Variants in STRA6 observed in about 807,000 individuals in gnomAD.
STRA6 encodes the protein signaling receptor and transporter of retinol STRA6, also known as receptor for retinol uptake STRA6.
Under a neutral mutation model 83.6 loss-of-function variants are expected in STRA6, and 48 were observed. The observed-to-expected ratio is 0.57, with a 90% confidence interval of 0.46 to 0.73. STRA6 has a LOEUF of 0.73. STRA6 is among the 30% of genes least tolerant of loss of function. STRA6 has a pLI of 0.00. For missense variants in STRA6, 760 were observed against 838.8 expected, an observed-to-expected ratio of 0.91 and a Z score of 1.16; for synonymous variants, 353 against 362.3, an observed-to-expected ratio of 0.97 and a Z score of 0.29.
At chr15:74,206,117 A>G (rs548167542), upstream of STRA6, among the ~76,000 whole-genome samples, 1 of 152,256 alleles carries the variant, frequency 6.6e-6, no homozygotes, top group East Asian at 1.9e-4. Flanking sequence ...CTCTCCCCAC[A>G]AGGCCCCCGT....
intron 1 of STRA6, among the ~76,000 whole-genome samples, chr15:74,208,208 C>A (rs1183589973): frequency 1.3e-5 from 2 of 152,114 alleles, no homozygotes; most frequent in Admixed American, 1.3e-4. Flanking sequence ...CAGCTCAGAA[C>A]AAAGGTAGCC....
At chr15:74,189,527 G>A (rs546532512) in intron 11 of STRA6, among the ~76,000 whole-genome samples, 3 of 152,290 alleles carry the variant, frequency 2.0e-5, no homozygotes, top group South Asian at 2.1e-4. Context: ...TCAGCCCTGC[G>A]TATCTGTGGG....
intron 5 of STRA6, 97 bp from the exon 6 acceptor site, chr15:74,195,772 A>C: frequency 1.1e-6 from 1 of 873,298 alleles, no homozygotes. Flanking sequence ...ACTCAATTTA[A>C]GATACTACTT....
At chr15:74,186,807 CAA>C (rs2073273506) in intron 12 of STRA6, among the ~76,000 whole-genome samples, 1 of 152,150 alleles carries the variant, frequency 6.6e-6, no homozygotes, top group African/African-American at 2.4e-5. Context: ...GCTGTTCACT[CAA>C]AGAGGCTGGG....
chr15:74,194,568 C>G (rs764612568), intron 7 of STRA6: 2 of 457,782 alleles, frequency 4.4e-6, no homozygotes, highest in Non-Finnish European at 6.8e-6. Context: ...GGCACTGTTT[C>G]CCCAAGGCAC....
chr15:74,211,424 G>A (rs1256274639), upstream of STRA6, among the ~76,000 whole-genome samples: 2 of 134,526 alleles, frequency 1.5e-5, no homozygotes, highest in South Asian at 4.9e-4. Context: ...TTTTGAGATG[G>A]AGTTTGGCTC....
At chr15:74,195,627 A>T (rs2073777546) in intron 6 of STRA6, 25 bp downstream of exon 6, 3 of 1,539,838 alleles carry the variant, frequency 1.9e-6, no homozygotes, top group Non-Finnish European at 2.6e-6. Flanking sequence ...GACTAGTCTC[A>T]ACTCTGTGAT....
chr15:74,207,074 G>T (rs1376620371), upstream of STRA6, among the ~76,000 whole-genome samples: 1 of 152,250 alleles, frequency 6.6e-6, no homozygotes, highest in Non-Finnish European at 1.5e-5. Flanking sequence ...AAGGCCTTGG[G>T]ACAGGGCTTC....
At chr15:74,194,739 A>C in intron 7 of STRA6, 1 of 1,240,178 alleles carries the variant, frequency 8.1e-7, no homozygotes. Context: ...TGTTGAATGA[A>C]TGGGTGAGTG....
chr15:74,190,602 A>G (rs1048714746), intron 11 of STRA6, among the ~76,000 whole-genome samples: 1 of 152,192 alleles, frequency 6.6e-6, no homozygotes, highest in Non-Finnish European at 1.5e-5. Flanking sequence ...TAGTGGAGCT[A>G]GGATTTAAAT....
At chr15:74,184,083 A>G (rs2073125487) in intron 13 of STRA6, 94 bp from the exon 14 acceptor site, 17 of 1,560,970 alleles carry the variant, frequency 1.1e-5, no homozygotes, top group Non-Finnish European at 1.5e-5. Context: ...CTCCCAATAG[A>G]ATTTCAACTC....
intron 14 of STRA6, chr15:74,183,449 T>C: frequency 9.6e-7 from 1 of 1,039,830 alleles, no homozygotes; most frequent in Non-Finnish European, 1.2e-6. Flanking sequence ...TCTCACCATG[T>C]TGGCCAGGCT....
chr15:74,195,773 G>A (rs1313783447), intron 5 of STRA6, 98 bp from the exon 6 acceptor site: 2 of 873,550 alleles, frequency 2.3e-6, no homozygotes, highest in Non-Finnish European at 3.6e-6. Flanking sequence ...CTCAATTTAA[G>A]ATACTACTTC....
chr15:74,205,355 G>A (rs1338774205), upstream of STRA6, among the ~76,000 whole-genome samples: 2 of 152,182 alleles, frequency 1.3e-5, no homozygotes, highest in African/African-American at 4.8e-5. Flanking sequence ...ATCAGCTTCT[G>A]GGGAGGGCCT....
At position 74,197,835 on chromosome 15, in the gene STRA6, G is replaced by A. The variant is rs536745129; in HGVS notation, c.114-17C>T. The A allele has an allele frequency of 2.4e-5, 38 of 1,611,758 alleles. No homozygotes were observed. The South Asian group carries it at 3.8e-4, about 16-fold the overall frequency. ...GGCACTTCCCTGCAGAGCAAATGAA[G>A]GCTGGCTCAGGCCTGCGTCAGGCCC... On this transcript the variant is annotated splice_polypyrimidine_tract_variant and intron_variant, in intron 2 of 18. Coordinates refer to ENST00000395105, the MANE Select transcript of STRA6 (RefSeq NM_022369.4).
At chr15:74,201,361 G>A (rs1222808451) in intron 2 of STRA6, among the ~76,000 whole-genome samples, 3 of 152,200 alleles carry the variant, frequency 2.0e-5, no homozygotes, top group Admixed American at 2.0e-4. Context: ...GGAGATAAGG[G>A]ATGGGGCCAG....
chr15:74,195,015 T>C (rs1567191785), intron 7 of STRA6: 41 of 1,433,656 alleles, frequency 2.9e-5, no homozygotes, highest in Non-Finnish European at 3.6e-5. Context: ...GCATTGGGGG[T>C]GGGGGCCATT....
At chr15:74,199,912 T>C (rs1054877981) in intron 2 of STRA6, among the ~76,000 whole-genome samples, 1 of 152,074 alleles carries the variant, frequency 6.6e-6, no homozygotes, top group Non-Finnish European at 1.5e-5. Flanking sequence ...TGGTATCTGA[T>C]TGGAGTTTAA....
exon 1 of STRA6, chr15:74,208,959 G>A: frequency 1.0e-6 from 1 of 1,003,326 alleles, no homozygotes; most frequent in Non-Finnish European, 1.2e-6. Flanking sequence ...CTAGAGGGGT[G>A]GCTGGTTGTG....
Sources: gnomAD v4.1 joint callset for allele counts (sites outside exome capture counted in the v4.1 genomes callset) on GRCh38, gnomAD v4.1.1 for gene constraint, MANE v1.5 for transcripts, NCBI Gene and HGNC (gene_info 2026-07-23, HGNC 2026-07-21) for gene names.